Variants in CNIH4 observed in about 807,000 individuals in gnomAD.
CNIH4 encodes the protein protein cornichon homolog 4.
Under a neutral mutation model 21.5 loss-of-function variants are expected in CNIH4, and 9 were observed. That is an observed-to-expected ratio of 0.42 (90% CI 0.25 to 0.73). CNIH4 has a LOEUF of 0.73. Ranked by LOEUF, CNIH4 falls within the 30% of genes least tolerant of loss-of-function variation. The probability of loss-of-function intolerance (pLI) is 0.27; values close to 1 mark genes in which losing one functional copy is unlikely to be tolerated. For synonymous variants in CNIH4, 67 were observed against 59.1 expected (o/e 1.13, Z -0.61); for missense variants, 159 against 170.0 (o/e 0.94, Z 0.36).
Position 224,379,359 on chromosome 1 carries a change from C to G in CNIH4, c.*3537C>G. Reference sequence around the variant, plus strand: ...GTATGTTCCTGGAGGGCAGAATATGCCCATTCATATTTGTATCTTCTTCCT... The same window carrying G: ...GTATGTTCCTGGAGGGCAGAATATGGCCATTCATATTTGTATCTTCTTCCT... On this transcript the variant is annotated 3_prime_UTR_variant, in exon 5 of 5. Coordinates refer to ENST00000465271, the MANE Select transcript of CNIH4 (RefSeq NM_014184.4). 2.1e-6 allele frequency: 1 copy of G among 478,512 alleles called. No homozygotes were observed. The highest frequency in any genetic ancestry group is 3.8e-6 in the Non-Finnish European group (1 of 261,890). The allele number at this position is 478,512 out of a possible 1,614,324, so 29.6% of individuals were successfully genotyped here.
chr1:224,379,256 T>A lies in CNIH4; in HGVS notation c.*3434T>A. ...AGTTAAGAGCTAAGAAAGCTTCCTA[T>A]AGTAGTATCTCCCATGGCACTTACC... On this transcript the variant is annotated 3_prime_UTR_variant, in exon 5 of 5. Coordinates refer to ENST00000465271, the MANE Select transcript of CNIH4 (RefSeq NM_014184.4). 1.5e-6 allele frequency: 1 copy of A among 659,200 alleles called. No homozygotes were observed. Among genetic ancestry groups the A allele is most frequent in the Admixed American group, 2.5e-5 (1 of 39,252 alleles). 40.8% of individuals were successfully genotyped at this position (659,200 alleles called of 1,614,324 possible).
At chr1:224,361,114 ATTTTTT>A (rs34687621) in intron 2 of CNIH4, among the ~76,000 whole-genome samples, 1 of 128,938 alleles carries the variant, frequency 7.8e-6, no homozygotes, top group African/African-American at 2.9e-5. Context: ...TGCCTGGCTA[ATTTTTT>A]TTTTTTTTTT....
At chr1:224,362,369 T>C (rs1672319149) in intron 2 of CNIH4, among the ~76,000 whole-genome samples, 1 of 79,490 alleles carries the variant, frequency 1.3e-5, no homozygotes, top group Non-Finnish European at 2.7e-5. Flanking sequence ...TTCTATATGA[T>C]TCTCATTCTC....
At position 224,379,285 on chromosome 1, in the gene CNIH4, T is replaced by G; in HGVS notation, c.*3463T>G. 1 of 605,248 alleles carries G rather than the reference T, an allele frequency of 1.7e-6. No homozygotes were observed. The highest frequency in any genetic ancestry group is 1.9e-5 in the South Asian group (1 of 51,544). The allele number at this position is 605,248 out of a possible 1,614,324, so 37.5% of individuals were successfully genotyped here. ...AGTATCTCCCATGGCACTTACCACA[T>G]TCTATCTGGTATTACAGTTATTTGT... On this transcript the variant is annotated 3_prime_UTR_variant, in exon 5 of 5. Coordinates refer to ENST00000465271, the MANE Select transcript of CNIH4 (RefSeq NM_014184.4).
chr1:224,360,423 G>T, intron 1 of CNIH4, 72 bp from the exon 2 acceptor site: 1 of 735,074 alleles, frequency 1.4e-6, no homozygotes, highest in South Asian at 2.4e-5. Flanking sequence ...CTTGTAACTG[G>T]GATTGCTTTC....
intron 1 of CNIH4, chr1:224,357,237 C>T (rs1012579854): frequency 9.1e-6 from 4 of 438,254 alleles, no homozygotes; most frequent in Non-Finnish European, 1.6e-5. Flanking sequence ...GGCCGCCCCT[C>T]ACTCGGGTCC....
chr1:224,359,162 C>A lies in CNIH4; in HGVS notation c.70-1333C>A, dbSNP rs1672200099. Among the ~76,000 whole-genome samples, 3 of 152,262 alleles carry A rather than the reference C, an allele frequency of 2.0e-5. No individual in the cohort carries two copies. In the South Asian group the frequency reaches 6.2e-4, roughly 32 times the overall value. On this transcript the variant is annotated intron_variant, in intron 1 of 4. Coordinates refer to ENST00000465271, the MANE Select transcript of CNIH4 (RefSeq NM_014184.4). ...CTAAGTTGGAAAGGCAGGATTACATCAGATTTTGGAGGGCTTGAATGTTAA... is the reference window on the plus strand; with the variant it reads ...CTAAGTTGGAAAGGCAGGATTACATAAGATTTTGGAGGGCTTGAATGTTAA...
chr1:224,368,338 C>T (rs1387804177), intron 3 of CNIH4, among the ~76,000 whole-genome samples: 1 of 152,096 alleles, frequency 6.6e-6, no homozygotes, highest in Admixed American at 6.6e-5. Flanking sequence ...CTCAAAAAAA[C>T]AAACAGAAAC....
intron 1 of CNIH4, among the ~76,000 whole-genome samples, chr1:224,359,229 G>A (rs528848544): frequency 5.3e-4 from 80 of 152,292 alleles, no homozygotes; most frequent in Non-Finnish European, 9.7e-4. Flanking sequence ...GCAGGCAATA[G>A]AGAGCCATTG....
Position 224,379,054 on chromosome 1 carries a change from C to G in CNIH4, c.*3232C>G. 6.4e-7 allele frequency: 1 copy of G among 1,550,510 alleles called. No individual in the cohort carries two copies. Among genetic ancestry groups the G allele is most frequent in the Non-Finnish European group, 8.7e-7 (1 of 1,146,920 alleles). On this transcript the variant is annotated 3_prime_UTR_variant, in exon 5 of 5. Transcript: ENST00000465271. Reference sequence around the variant, plus strand: ...CGTATCATTTTCCCTTGCCTTTTTCCTTCTATCCTTTCAGTGGTAGCAACT... The same window carrying G: ...CGTATCATTTTCCCTTGCCTTTTTCGTTCTATCCTTTCAGTGGTAGCAACT...
chr1:224,357,456 G>A (rs1007895283), intron 1 of CNIH4: 4 of 156,648 alleles, frequency 2.6e-5, no homozygotes, highest in African/African-American at 9.6e-5. Flanking sequence ...GCCGGGATAA[G>A]TGCGGGCCAT....
chr1:224,364,634 C>T (rs1558396570), intron 2 of CNIH4, among the ~76,000 whole-genome samples: 1 of 152,076 alleles, frequency 6.6e-6, no homozygotes, highest in East Asian at 1.9e-4. Flanking sequence ...TATGTAATAG[C>T]ATTTTAAAAA....
rs1672625307 is a variant in CNIH4, at chr1:224,371,421, T to C, written c.390T>C (p.Tyr130=). ...TGCTCTGCTTCTTCATGTATCTTTATAGGTGAGTTTAAAGTCCTGGTATTT... is the reference window on the plus strand; with the variant it reads ...TGCTCTGCTTCTTCATGTATCTTTACAGGTGAGTTTAAAGTCCTGGTATTT... ...FHLLCFFMYL[Y]SMILALIND Residue 130 remains tyrosine, a splice_region_variant and synonymous_variant, in exon 4 of 5, where the codon TAT becomes TAC. Transcript: ENST00000465271. The C allele has an allele frequency of 6.2e-7, 1 of 1,612,784 alleles. No homozygotes were observed. The highest frequency in any genetic ancestry group is 1.3e-5 in the African/African-American group (1 of 74,858).
intron 3 of CNIH4, among the ~76,000 whole-genome samples, chr1:224,366,854 T>C (rs1291673594): frequency 6.6e-6 from 1 of 151,794 alleles, no homozygotes; most frequent in African/African-American, 2.4e-5. Context: ...TCCCAGCTAC[T>C]TGGGAGGCTG....
At chr1:224,359,899 A>G (rs1672226156) in intron 1 of CNIH4, among the ~76,000 whole-genome samples, 1 of 152,170 alleles carries the variant, frequency 6.6e-6, no homozygotes, top group Non-Finnish European at 1.5e-5. Flanking sequence ...GATGGGGGTG[A>G]GGTGAGTGAA....
chr1:224,363,400 G>T (rs575858076), intron 2 of CNIH4, among the ~76,000 whole-genome samples: 1 of 152,148 alleles, frequency 6.6e-6, no homozygotes, highest in South Asian at 2.1e-4. Context: ...ATTTTTAAGA[G>T]GTTTTTATTC....
At chr1:224,368,958 A>AT (rs1218094559) in intron 3 of CNIH4, among the ~76,000 whole-genome samples, 1 of 138,152 alleles carries the variant, frequency 7.2e-6, no homozygotes, top group Non-Finnish European at 1.6e-5. Flanking sequence ...TGTCTTTGAT[A>AT]TTTTTTTCCT....
chr1:224,377,561 C>CT lies in CNIH4; in HGVS notation c.*1740dup, dbSNP rs1435345550. 6.6e-6 allele frequency: 1 copy of CT among 150,914 alleles called. No homozygotes were observed. Among genetic ancestry groups the CT allele is most frequent in the Non-Finnish European group, 1.5e-5 (1 of 68,024 alleles). 9.3% of individuals were successfully genotyped at this position (150,914 alleles called of 1,614,324 possible). On this transcript the variant is annotated 3_prime_UTR_variant, in exon 5 of 5. Transcript: ENST00000465271. ...AGTGCAGTGGTGTGATCTCAGCTCA[C>CT]TGCAACCTCTGCTTTCTGGGTTCAA...
chr1:224,364,510 T>C (rs1672392954), intron 2 of CNIH4: 7 of 390,340 alleles, frequency 1.8e-5, no homozygotes, highest in African/African-American at 2.2e-5. Context: ...AGAGGGTAAC[T>C]TTTCCCAAGA....
Sources: allele counts gnomAD v4.1 joint callset (sites outside exome capture counted in the v4.1 genomes callset), GRCh38; gene constraint gnomAD v4.1.1; transcripts MANE v1.5; gene names NCBI Gene and HGNC (gene_info 2026-07-23, HGNC 2026-07-21).